Variants in PRORP observed in about 807,000 individuals in gnomAD.
PRORP encodes the protein mitochondrial ribonuclease P catalytic subunit.
In PRORP, 51 loss-of-function variants were observed where a neutral mutation model predicts 59.4. The ratio of observed to expected loss-of-function variants is 0.86; its 90% confidence interval spans 0.69 to 1.08. PRORP has a LOEUF of 1.08. Among genes scored for constraint, PRORP ranks in the 50% least tolerant of loss-of-function variants. PRORP has a pLI of 0.00. For synonymous variants in PRORP, 231 were observed against 245.6 expected (o/e 0.94, Z 0.55); for missense variants, 646 against 690.3 (o/e 0.94, Z 0.72).
At chr14:35,227,479 A>G (rs145851447) in intron 5 of PRORP, among the ~76,000 whole-genome samples, 26 of 152,152 alleles carry the variant, frequency 1.7e-4, no homozygotes, top group African/African-American at 6.0e-4. Flanking sequence ...AATACAACAC[A>G]TTGGCATAAT....
At chr14:35,224,952 C>T (rs1296180163) in intron 5 of PRORP, among the ~76,000 whole-genome samples, 4 of 152,080 alleles carry the variant, frequency 2.6e-5, no homozygotes, top group South Asian at 4.2e-4. Context: ...CAGGGTTAGA[C>T]GAATGATGTC....
intron 5 of PRORP, among the ~76,000 whole-genome samples, chr14:35,260,611 G>A (rs1370435702): frequency 6.6e-6 from 1 of 152,220 alleles, no homozygotes; most frequent in Non-Finnish European, 1.5e-5. Context: ...AGCCGTGCTA[G>A]GCACTAAGGC....
At chr14:35,168,507 A>G (rs2138981832) in intron 4 of PRORP, among the ~76,000 whole-genome samples, 1 of 152,244 alleles carries the variant, frequency 6.6e-6, no homozygotes, top group South Asian at 2.1e-4. Context: ...TCCTTCCTCT[A>G]GATCCAAACT....
rs754055686 is a variant in PRORP at position 35,123,659 on chromosome 14, C to G, written c.414C>G (p.Thr138=). The G allele has an allele frequency of 6.2e-7, 1 of 1,614,148 alleles. No homozygotes were observed. Among genetic ancestry groups the G allele is most frequent in the South Asian group, 1.1e-5 (1 of 91,090 alleles). The change falls in exon 2 of 8, where the codon ACC becomes ACG. Residue 138 remains threonine (T), a synonymous_variant. Transcript: ENST00000534898. ...ATTTAAAAGAAAACACCGGAAAGAC[C>G]AGTTTCGAAAGTTGGATCATTTCAC... ...KEDLKENTGK[T]SFESWIISQM...
intron 4 of PRORP, among the ~76,000 whole-genome samples, chr14:35,153,014 C>T (rs879091748): frequency 4.2e-4 from 64 of 152,356 alleles, no homozygotes; most frequent in African/African-American, 1.1e-3. Context: ...GCTGTAATCT[C>T]GGCACTTTGG....
chr14:35,136,364 G>GT (rs111786165), intron 4 of PRORP, among the ~76,000 whole-genome samples: 2 of 150,994 alleles, frequency 1.3e-5, no homozygotes, highest in Non-Finnish European at 3.0e-5. Context: ...CCGACAACGG[G>GT]TTTTTTTGTT....
chr14:35,225,800 A>G (rs986214306), intron 5 of PRORP, among the ~76,000 whole-genome samples: 1 of 152,156 alleles, frequency 6.6e-6, no homozygotes, highest in Non-Finnish European at 1.5e-5. Flanking sequence ...TAAGCCCAGC[A>G]CTTTGTGAGG....
Position 35,271,846 on chromosome 14 carries a change from G to A in PRORP, c.1620+1250G>A, listed in dbSNP as rs368790161. Among the ~76,000 whole-genome samples the A allele has an allele frequency of 7.8e-4, 119 of 152,100 alleles. 1 individual carries two copies. The highest frequency in any genetic ancestry group is 2.7e-3 in the African/African-American group (113 of 41,514). ...TGAAGACCAGCCTAGCCAACATAGC[G>A]AAAACCTCATCTCTACTAAAAATAC... On this transcript the variant is annotated intron_variant, in intron 7 of 7. Transcript: ENST00000534898.
At chr14:35,135,216 C>G (rs183423072) in intron 4 of PRORP, among the ~76,000 whole-genome samples, 8 of 152,290 alleles carry the variant, frequency 5.3e-5, no homozygotes, top group African/African-American at 1.9e-4. Flanking sequence ...TCTTCAGTGC[C>G]TCTTTCAGTG....
chr14:35,153,375 C>T (rs1415850261), intron 4 of PRORP, among the ~76,000 whole-genome samples: 10 of 148,102 alleles, frequency 6.8e-5, no homozygotes, highest in East Asian at 4.0e-4. Context: ...CAGAGGGAGA[C>T]GGTGGAAAGA....
chr14:35,259,993 G>GTTT (rs557378360), intron 5 of PRORP, among the ~76,000 whole-genome samples: 1,519 of 81,092 alleles, frequency 0.019, 15 homozygotes, highest in East Asian at 0.047. Flanking sequence ...GGTTTTTCGG[G>GTTT]TTTTTTTTTT....
chr14:35,196,157 C>T (rs1450083832), intron 5 of PRORP, among the ~76,000 whole-genome samples: 1 of 152,134 alleles, frequency 6.6e-6, no homozygotes, highest in Non-Finnish European at 1.5e-5. Flanking sequence ...AATCTTAAAA[C>T]AACTAATCAG....
chr14:35,256,209 A>AGGAGGC (rs2050750776), intron 5 of PRORP, among the ~76,000 whole-genome samples: 1 of 144,948 alleles, frequency 6.9e-6, no homozygotes, highest in Non-Finnish European at 1.5e-5. Flanking sequence ...GCTTAAGCCC[A>AGGAGGC]GGAGGCGGAG....
In PRORP at chr14:35,124,248, T is replaced by C; in HGVS notation, c.986+17T>C. On this transcript the variant is annotated intron_variant, in intron 2 of 7. Coordinates refer to ENST00000534898, the MANE Select transcript of PRORP (RefSeq NM_014672.4). ...GTTTGAGAGGTAATTTTGGTTTTTTTATATGTATGTTTTTATTCTTTAATT... is the reference window on the plus strand; with the variant it reads ...GTTTGAGAGGTAATTTTGGTTTTTTCATATGTATGTTTTTATTCTTTAATT... 3 of 1,500,202 alleles carry C rather than the reference T, an allele frequency of 2.0e-6. No homozygotes were observed. Among genetic ancestry groups the C allele is most frequent in the African/African-American group, 1.4e-5 (1 of 71,096 alleles). 92.9% of individuals were successfully genotyped at this position (1,500,202 alleles called of 1,614,324 possible). A position where few individuals can be genotyped will look rare whatever the true frequency, so the allele number is the denominator to read the frequency against.
intron 4 of PRORP, among the ~76,000 whole-genome samples, chr14:35,180,093 A>G (rs2048562490): frequency 6.6e-6 from 1 of 152,094 alleles, no homozygotes; most frequent in Non-Finnish European, 1.5e-5. Context: ...GTTCCTCTAG[A>G]AGCTTCGTCT....
At chr14:35,146,605 A>G (rs2138869321) in intron 4 of PRORP, among the ~76,000 whole-genome samples, 1 of 152,314 alleles carries the variant, frequency 6.6e-6, no homozygotes, top group East Asian at 1.9e-4. Context: ...TGGTAAATGG[A>G]AAACTTTGTG....
At chr14:35,181,534 C>T (rs1009424122) in intron 5 of PRORP, among the ~76,000 whole-genome samples, 6 of 152,070 alleles carry the variant, frequency 3.9e-5, no homozygotes, top group Non-Finnish European at 8.8e-5. Flanking sequence ...CTGTAATCCC[C>T]AGCACTTTGG....
Position 35,124,196 on chromosome 14 carries a change from G to T in PRORP, c.951G>T (p.Glu317Asp), listed in dbSNP as rs1434789046. Residue 317 changes from glutamate (E) to aspartate (D), a missense_variant, in exon 2 of 8, where the codon GAG (glutamate) becomes GAT (aspartate). Physicochemically the swap from Glu to Asp is conservative, Grantham distance 45 (BLOSUM62 2). Coordinates refer to ENST00000534898, the MANE Select transcript of PRORP (RefSeq NM_014672.4). ...YLRNNQLYPGESFAHSIKTWF... is the reference protein window; with the variant it reads ...YLRNNQLYPGDSFAHSIKTWF... ...GAAATAATCAGCTGTATCCAGGGGA[G>T]TCATTTGCACACAGTATAAAAACAT... is the stretch of plus-strand genomic sequence containing the variant. The T allele has an allele frequency of 6.3e-7, 1 of 1,584,686 alleles. No homozygotes were observed. Among genetic ancestry groups the T allele is most frequent in the Non-Finnish European group, 8.6e-7 (1 of 1,168,042 alleles).
intron 4 of PRORP, among the ~76,000 whole-genome samples, chr14:35,165,061 G>A (rs1360937387): frequency 6.6e-6 from 1 of 152,240 alleles, no homozygotes; most frequent in African/African-American, 2.4e-5. Context: ...GTACCGTATA[G>A]GAAGAAGGAA....
Sources: allele counts gnomAD v4.1 joint callset (sites outside exome capture counted in the v4.1 genomes callset), GRCh38; gene constraint gnomAD v4.1.1; transcripts MANE v1.5; gene names NCBI Gene and HGNC (gene_info 2026-07-23, HGNC 2026-07-21).